Variants in OPCML observed in about 807,000 individuals in gnomAD.
OPCML encodes opioid binding protein/cell adhesion molecule like, also known as opioid-binding protein/cell adhesion molecule.
A neutral mutation model predicts 37.8 loss-of-function variants in OPCML; 13 were observed. That is an observed-to-expected ratio of 0.34 (90% confidence interval 0.22 to 0.55). The LOEUF (loss-of-function observed/expected upper bound fraction) is 0.55, where lower values mean the gene tolerates loss of function less well. Among genes scored for constraint, OPCML ranks in the 20% least tolerant of loss-of-function variants. The pLI is 0.91. For missense variants in OPCML, 341 were observed against 435.6 expected (o/e 0.78, Z 1.93); for synonymous variants, 176 against 168.8 (o/e 1.04, Z -0.33).
At chr11:133,386,859 C>T (rs147569885) in intron 1 of OPCML, among the ~76,000 whole-genome samples, 1 of 152,284 alleles carries the variant, frequency 6.6e-6, no homozygotes, top group Non-Finnish European at 1.5e-5. Context: ...GGACAGAGCA[C>T]GGTGACACTT....
intron 1 of OPCML, among the ~76,000 whole-genome samples, chr11:133,523,522 A>G (rs1361196083): frequency 6.6e-6 from 1 of 152,208 alleles, no homozygotes; most frequent in African/African-American, 2.4e-5. Context: ...CGACTAGTCT[A>G]TCCCTTCCTG....
At chr11:133,158,097 A>T (rs1950087091) in intron 1 of OPCML, among the ~76,000 whole-genome samples, 1 of 152,200 alleles carries the variant, frequency 6.6e-6, no homozygotes, top group African/African-American at 2.4e-5. Context: ...ATAAGGGTGG[A>T]GAGATGCATT....
chr11:133,093,682 T>C (rs1948949610), intron 1 of OPCML, among the ~76,000 whole-genome samples: 1 of 152,176 alleles, frequency 6.6e-6, no homozygotes, highest in Non-Finnish European at 1.5e-5. Context: ...ACAGGTTCAC[T>C]GGAGTAGACG....
intron 3 of OPCML, among the ~76,000 whole-genome samples, chr11:132,596,225 C>T (rs762826757): frequency 1.3e-5 from 2 of 152,128 alleles, no homozygotes; most frequent in Non-Finnish European, 2.9e-5. Context: ...AATTTGGCTA[C>T]TGTTATTATT....
intron 1 of OPCML, among the ~76,000 whole-genome samples, chr11:133,481,091 A>G (rs1947361588): frequency 1.3e-5 from 2 of 152,246 alleles, no homozygotes. Context: ...TAGCTCACCA[A>G]TGCTAAATAA....
intron 1 of OPCML, among the ~76,000 whole-genome samples, chr11:133,058,491 G>A (rs186868191): frequency 5.9e-5 from 9 of 152,264 alleles, no homozygotes; most frequent in Admixed American, 2.6e-4. Context: ...GTGTCACATC[G>A]AGCATGCCAC....
chr11:132,611,085 T>C (rs1262340311), intron 3 of OPCML, among the ~76,000 whole-genome samples: 1 of 152,180 alleles, frequency 6.6e-6, no homozygotes, highest in African/African-American at 2.4e-5. Context: ...CCCCATGACA[T>C]TTCTCTGGGA....
intron 1 of OPCML, among the ~76,000 whole-genome samples, chr11:133,108,611 A>G (rs1194408174): frequency 6.6e-6 from 1 of 151,900 alleles, no homozygotes; most frequent in African/African-American, 2.4e-5. Flanking sequence ...ACACACACAC[A>G]TATATGGCTA....
chr11:132,754,287 C>A (rs1428192743), intron 2 of OPCML, among the ~76,000 whole-genome samples: 2 of 152,142 alleles, frequency 1.3e-5, no homozygotes, highest in African/African-American at 4.8e-5. Flanking sequence ...TGTGGAGGGA[C>A]CCGATGGGAG....
chr11:132,700,832 C>T (rs548775429), intron 2 of OPCML, among the ~76,000 whole-genome samples: 18 of 152,234 alleles, frequency 1.2e-4, no homozygotes, highest in African/African-American at 4.3e-4. Flanking sequence ...GTGCATATTT[C>T]CTTATTGAAA....
rs371968854 is a variant in OPCML, at chr11:133,530,577, C to T, written c.61+1687G>A. On this transcript the variant is annotated intron_variant, in intron 1 of 7. Transcript: ENST00000524381. ...CCTAGCTCCCTCTACCAGGCTCAGG[C>T]AGGTACTGAGTGTTCCGTTGGCTCT... Among the ~76,000 whole-genome samples, 23 of 152,358 alleles carry T rather than the reference C, an allele frequency of 1.5e-4. No individual in the cohort carries two copies. The East Asian group carries it at 3.7e-3, about 24-fold the overall frequency.
chr11:132,743,087 T>C (rs935541751), intron 2 of OPCML, among the ~76,000 whole-genome samples: 9 of 152,292 alleles, frequency 5.9e-5, no homozygotes, highest in Admixed American at 5.9e-4. Flanking sequence ...TAGGGCCATG[T>C]TCCTAACAGG....
At chr11:132,911,961 G>A (rs560699447) in intron 2 of OPCML, among the ~76,000 whole-genome samples, 1 of 152,190 alleles carries the variant, frequency 6.6e-6, no homozygotes, top group South Asian at 2.1e-4. Flanking sequence ...TCCTCTTCAG[G>A]ACACAGGAAA....
At chr11:133,415,118 G>T (rs553986084) in intron 1 of OPCML, among the ~76,000 whole-genome samples, 1 of 152,194 alleles carries the variant, frequency 6.6e-6, no homozygotes, top group East Asian at 1.9e-4. Context: ...CTTATAAAAA[G>T]CAGATTTTTG....
intron 1 of OPCML, among the ~76,000 whole-genome samples, chr11:133,499,321 C>T (rs993337833): frequency 6.6e-6 from 1 of 152,134 alleles, no homozygotes; most frequent in African/African-American, 2.4e-5. Context: ...ATCGCATTCC[C>T]AATAGGAAAG....
At chr11:132,745,726 G>A (rs1945610258) in intron 2 of OPCML, among the ~76,000 whole-genome samples, 1 of 152,122 alleles carries the variant, frequency 6.6e-6, no homozygotes, top group African/African-American at 2.4e-5. Flanking sequence ...CGTTGAATGT[G>A]TGAGCGCAGT....
At chr11:133,209,838 A>G (rs148030719) in intron 1 of OPCML, among the ~76,000 whole-genome samples, 2 of 152,310 alleles carry the variant, frequency 1.3e-5, no homozygotes, top group African/African-American at 4.8e-5. Flanking sequence ...GAGAAAACAT[A>G]ATGTATCTGT....
intron 3 of OPCML, among the ~76,000 whole-genome samples, chr11:132,586,983 G>A (rs141700783): frequency 6.6e-5 from 10 of 152,292 alleles, no homozygotes; most frequent in African/African-American, 2.2e-4. Context: ...TATGCATTCG[G>A]GCATACTAAT....
At chr11:133,095,487 G>GT (rs1948986988) in intron 1 of OPCML, among the ~76,000 whole-genome samples, 1 of 147,520 alleles carries the variant, frequency 6.8e-6, no homozygotes, top group Admixed American at 6.8e-5. Context: ...CATGAAGGAA[G>GT]TAAATAAATG....
Sources: allele counts gnomAD v4.1 joint callset (sites outside exome capture counted in the v4.1 genomes callset), GRCh38; gene constraint gnomAD v4.1.1; transcripts MANE v1.5; gene names NCBI Gene and HGNC (gene_info 2026-07-23, HGNC 2026-07-21).